The following GRB14 variants were observed in gnomAD, a reference collection of about 807,000 sequenced individuals.
The protein encoded by GRB14 is growth factor receptor bound protein 14, also known as growth factor receptor-bound protein 14.
Under a neutral mutation model 69.1 loss-of-function variants are expected in GRB14, and 38 were observed. The ratio of observed to expected loss-of-function variants is 0.55; its 90% CI spans 0.42 to 0.72. GRB14 has a LOEUF of 0.72. Among genes scored for constraint, GRB14 ranks in the 30% least tolerant of loss-of-function variants. The pLI, the probability that GRB14 is intolerant of heterozygous loss-of-function variation, is 0.00. For synonymous variants in GRB14, 247 were observed against 241.3 expected (o/e 1.02, Z -0.22); for missense variants, 666 against 666.1 (o/e 1.00, Z 0.00).
At chr2:164,569,904 G>T (rs1234006413) in intron 2 of GRB14, among the ~76,000 whole-genome samples, 1 of 152,128 alleles carries the variant, frequency 6.6e-6, no homozygotes. Context: ...GCGATGGGGG[G>T]TTAGCATTTG....
intron 6 of GRB14, among the ~76,000 whole-genome samples, chr2:164,520,265 CTA>C (rs766337356): frequency 7.9e-5 from 12 of 152,062 alleles, no homozygotes; most frequent in Non-Finnish European, 1.3e-4. Context: ...AAAGGACACT[CTA>C]GTCAACAAAT....
intron 2 of GRB14, among the ~76,000 whole-genome samples, chr2:164,612,807 G>T (rs10153754): frequency 6.6e-6 from 1 of 151,962 alleles, no homozygotes; most frequent in Non-Finnish European, 1.5e-5. Flanking sequence ...TTTCAATAAC[G>T]TTAAAAAGAA....
At chr2:164,530,026 G>A (rs533841368) in intron 3 of GRB14, among the ~76,000 whole-genome samples, 2 of 152,186 alleles carry the variant, frequency 1.3e-5, no homozygotes, top group East Asian at 3.9e-4. Flanking sequence ...GGGAATACAT[G>A]GACAATAAAT....
At chr2:164,506,248 G>A (rs1687184867) in intron 8 of GRB14, among the ~76,000 whole-genome samples, 1 of 152,142 alleles carries the variant, frequency 6.6e-6, no homozygotes, top group South Asian at 2.1e-4. Context: ...CTTCTCAGGT[G>A]ACTTTAACAG....
At chr2:164,525,404 G>A (rs914090696) in intron 4 of GRB14, among the ~76,000 whole-genome samples, 2 of 152,026 alleles carry the variant, frequency 1.3e-5, no homozygotes, top group Non-Finnish European at 2.9e-5. Flanking sequence ...AGCCTATCAG[G>A]TCAAAAGGAC....
At chr2:164,550,897 A>G (rs1688520567) in intron 2 of GRB14, among the ~76,000 whole-genome samples, 1 of 152,104 alleles carries the variant, frequency 6.6e-6, no homozygotes, top group African/African-American at 2.4e-5. Flanking sequence ...AGATAGATAC[A>G]TTTCCTTTTA....
chr2:164,539,433 T>C (rs1174046934), intron 3 of GRB14, among the ~76,000 whole-genome samples: 1 of 151,396 alleles, frequency 6.6e-6, no homozygotes, highest in Non-Finnish European at 1.5e-5. Context: ...CAGTATCACA[T>C]ACTGTACTCC....
At chr2:164,502,094 A>G (rs1414308659) in intron 9 of GRB14, among the ~76,000 whole-genome samples, 161 bp downstream of exon 9, 2 of 151,960 alleles carry the variant, frequency 1.3e-5, no homozygotes, top group African/African-American at 2.4e-5. Context: ...AAAATCCAAA[A>G]ATAAAAAATT....
intron 5 of GRB14, among the ~76,000 whole-genome samples, chr2:164,522,499 G>A (rs964404390): frequency 2.0e-5 from 3 of 152,102 alleles, no homozygotes; most frequent in Non-Finnish European, 4.4e-5. Flanking sequence ...AAAGTTGGAC[G>A]TCATCTATTG....
At chr2:164,496,228 C>T (rs1001844362) in intron 12 of GRB14, among the ~76,000 whole-genome samples, 2 of 152,160 alleles carry the variant, frequency 1.3e-5, no homozygotes, top group East Asian at 1.9e-4. Flanking sequence ...AAGATCCCAT[C>T]ACCACTTGTT....
intron 3 of GRB14, among the ~76,000 whole-genome samples, chr2:164,542,257 C>T (rs1475954318): frequency 6.6e-6 from 1 of 152,148 alleles, no homozygotes. Context: ...CCCTACCTTG[C>T]ACCACATACA....
intron 3 of GRB14, among the ~76,000 whole-genome samples, chr2:164,540,924 G>A (rs1688220172): frequency 6.6e-6 from 1 of 152,118 alleles, no homozygotes; most frequent in Non-Finnish European, 1.5e-5. Context: ...TGTGGAATCT[G>A]TAAAATGACA....
At chr2:164,506,782 A>T (rs1687201319) in intron 8 of GRB14, among the ~76,000 whole-genome samples, 1 of 152,200 alleles carries the variant, frequency 6.6e-6, no homozygotes. Flanking sequence ...TATACAATGG[A>T]ATAGTACACA....
At chr2:164,508,263 G>A (rs905823878) in intron 8 of GRB14, among the ~76,000 whole-genome samples, 192 bp downstream of exon 8, 12 of 152,160 alleles carry the variant, frequency 7.9e-5, no homozygotes, top group African/African-American at 2.9e-4. Context: ...AAACAGAAAT[G>A]TATTAGGTTA....
chr2:164,549,658 T>A (rs904457120), intron 2 of GRB14, among the ~76,000 whole-genome samples: 1 of 151,356 alleles, frequency 6.6e-6, no homozygotes, highest in African/African-American at 2.4e-5. Context: ...AGGTCAGGAG[T>A]TCAAGACCAG....
intron 2 of GRB14, among the ~76,000 whole-genome samples, chr2:164,606,563 TC>T (rs1341395203): frequency 6.6e-6 from 1 of 152,154 alleles, no homozygotes; most frequent in Non-Finnish European, 1.5e-5. Flanking sequence ...TCTATATCTT[TC>T]CCAAGGTGCA....
chr2:164,518,206 C>T (rs1559030646), intron 6 of GRB14, among the ~76,000 whole-genome samples: 1 of 152,000 alleles, frequency 6.6e-6, no homozygotes, highest in East Asian at 1.9e-4. Context: ...GAAATCAACT[C>T]CAAAAGGAAA....
intron 2 of GRB14, among the ~76,000 whole-genome samples, chr2:164,583,945 A>T (rs1294879975): frequency 1.3e-5 from 2 of 151,674 alleles, no homozygotes; most frequent in African/African-American, 4.8e-5. Flanking sequence ...GCACTTAGGC[A>T]TTATAATAAA....
Position 164,497,017 on chromosome 2 carries a change from A to G in GRB14, c.1373T>C (p.Leu458Pro), listed in dbSNP as rs761982541. The change falls in exon 12 of 14, where the codon CTT becomes CCT. Residue 458 changes from leucine (L) to proline (P), a missense_variant. Coordinates refer to ENST00000263915, the MANE Select transcript of GRB14 (RefSeq NM_004490.3). The stretch of plus-strand genomic sequence containing the variant: ...AAAATACCAAACTTACCCATCCACA[A>G]GTCCTTGCTGAATAATCAATCGCTG... ...EAQRLIIQQGLVDGVFLVRDS... is the reference protein window; with the variant it reads ...EAQRLIIQQGPVDGVFLVRDS... 1 of 1,613,596 alleles carries G rather than the reference A, an allele frequency of 6.2e-7. No individual in the cohort carries two copies. Among genetic ancestry groups the G allele is most frequent in the Non-Finnish European group, 8.5e-7 (1 of 1,179,608 alleles).
Sources: gnomAD v4.1 joint callset for allele counts (sites outside exome capture counted in the v4.1 genomes callset) on GRCh38, gnomAD v4.1.1 for gene constraint, MANE v1.5 for transcripts, NCBI Gene and HGNC (gene_info 2026-07-23, HGNC 2026-07-21) for gene names.